Variants in GABRG3 observed in about 807,000 individuals in gnomAD.
GABRG3 encodes gamma-aminobutyric acid type A receptor subunit gamma3.
A neutral mutation model predicts 48.8 loss-of-function variants in GABRG3; 25 were observed. That is an observed-to-expected ratio of 0.51 (90% CI 0.37 to 0.72). The LOEUF (loss-of-function observed/expected upper bound fraction) is 0.72. Ranked by LOEUF, GABRG3 falls within the 30% of genes least tolerant of loss-of-function variation. The pLI, the probability that GABRG3 is intolerant of heterozygous loss-of-function variation, is 0.00. For missense variants in GABRG3, 394 were observed against 577.9 expected (o/e 0.68, Z 3.26); for synonymous variants, 227 against 217.6 (o/e 1.04, Z -0.38).
At chr15:27,306,995 T>TATATAAACATATACA (rs1359295580) in intron 3 of GABRG3, among the ~76,000 whole-genome samples, 1 of 111,058 alleles carries the variant, frequency 9.0e-6, no homozygotes. Context: ...AACATGTTTA[T>TATATAAACATATACA]ATATAAACAT....
intron 3 of GABRG3, among the ~76,000 whole-genome samples, chr15:27,126,054 A>T (rs148651372): frequency 6.6e-6 from 1 of 152,354 alleles, no homozygotes; most frequent in African/African-American, 2.4e-5. Flanking sequence ...GCGCAATTAA[A>T]TGTGTCTTCC....
intron 2 of GABRG3, among the ~76,000 whole-genome samples, chr15:27,025,024 C>CA (rs34897569): frequency 0.51 from 46,540 of 91,524 alleles, 11,530 homozygotes; most frequent in Middle Eastern, 0.54. Context: ...GACCCTGTCT[C>CA]AAAAAAAAAA....
intron 2 of GABRG3, among the ~76,000 whole-genome samples, chr15:27,001,001 C>G (rs181926653): frequency 6.6e-6 from 1 of 152,212 alleles, no homozygotes; most frequent in East Asian, 1.9e-4. Flanking sequence ...TGGATGGTTA[C>G]AAGTAGTCTT....
intron 3 of GABRG3, among the ~76,000 whole-genome samples, chr15:27,219,936 T>C (rs773719243): frequency 3.9e-5 from 6 of 152,142 alleles, no homozygotes; most frequent in Non-Finnish European, 7.3e-5. Flanking sequence ...AGGAGGGTGG[T>C]CATTTTACTA....
At chr15:27,418,141 T>C (rs1218375361) in intron 5 of GABRG3, among the ~76,000 whole-genome samples, 1 of 152,132 alleles carries the variant, frequency 6.6e-6, no homozygotes, top group Non-Finnish European at 1.5e-5. Context: ...CAGCCCTGCC[T>C]CAGATGAATA....
intron 5 of GABRG3, among the ~76,000 whole-genome samples, chr15:27,465,846 A>C (rs1286173979): frequency 6.6e-6 from 1 of 152,098 alleles, no homozygotes; most frequent in Admixed American, 6.6e-5. Context: ...ATTTACTGGC[A>C]CTCTGCATGA....
chr15:26,973,083 T>C (rs1292465853), intron 1 of GABRG3, among the ~76,000 whole-genome samples: 1 of 152,234 alleles, frequency 6.6e-6, no homozygotes, highest in Non-Finnish European at 1.5e-5. Flanking sequence ...CTCTGCCACC[T>C]TTCTATTGCC....
chr15:27,148,968 C>T (rs1898260230), intron 3 of GABRG3, among the ~76,000 whole-genome samples: 1 of 152,014 alleles, frequency 6.6e-6, no homozygotes, highest in Admixed American at 6.6e-5. Flanking sequence ...ACCATTTCTA[C>T]TCACAATTTT....
intron 3 of GABRG3, among the ~76,000 whole-genome samples, chr15:27,171,556 G>GTATATGTATATATATATA (rs1887572540): frequency 7.0e-6 from 1 of 142,070 alleles, no homozygotes; most frequent in African/African-American, 2.6e-5. Context: ...GTATATATAT[G>GTATATGTATATATATATA]TATATGTATA....
chr15:27,202,278 GTT>G (rs1222388231), intron 3 of GABRG3, among the ~76,000 whole-genome samples: 2 of 151,140 alleles, frequency 1.3e-5, no homozygotes, highest in African/African-American at 2.4e-5. Flanking sequence ...TTTTTTTTCT[GTT>G]TCACTTAACA....
rs563082776 is a variant in GABRG3 at position 27,319,482 on chromosome 15, G to A, written c.271-7327G>A. On this transcript the variant is annotated intron_variant, in intron 3 of 9. Transcript: ENST00000615808. This position sits in a 1 kb window ranked among gnomAD's most constrained non-coding sequence, Gnocchi z 4.4. ...GGGGCAGTCTCTATGCGGAATTTGC[G>A]GATAATTGTGATACGGCAGTTGAAG... 5.9e-5 allele frequency among the ~76,000 whole-genome samples: 9 copies of A among 152,162 alleles called. No homozygotes were observed. The highest frequency in any genetic ancestry group is 2.1e-4 in the South Asian group (1 of 4,828).
chr15:27,184,835 T>C (rs1316519531), intron 3 of GABRG3, among the ~76,000 whole-genome samples: 2 of 152,198 alleles, frequency 1.3e-5, no homozygotes, highest in Non-Finnish European at 2.9e-5. Context: ...ATATTCTATA[T>C]GGTCACCACC....
At position 27,146,734 on chromosome 15, in the gene GABRG3, A is replaced by G. The variant is rs1898216661; in HGVS notation, c.270+119913A>G. Among the ~76,000 whole-genome samples the G allele has an allele frequency of 1.4e-4, 21 of 152,192 alleles. No homozygotes were observed. The South Asian group carries it at 4.4e-3, about 32-fold the overall frequency. On this transcript the variant is annotated intron_variant, in intron 3 of 9. Coordinates refer to ENST00000615808, the MANE Select transcript of GABRG3 (RefSeq NM_033223.5). ...TTGGTTATGCGAGCTAGCTTATTGT[A>G]AATTAAGATGTTATTTGTAATTCCT...
In GABRG3 at chr15:27,041,473, G is replaced by A. The variant is rs532935259; in HGVS notation, c.270+14652G>A. 5.9e-5 allele frequency among the ~76,000 whole-genome samples: 9 copies of A among 152,090 alleles called. No individual in the cohort carries two copies. The South Asian group carries it at 1.9e-3, about 32-fold the overall frequency. On this transcript the variant is annotated intron_variant, in intron 3 of 9. Coordinates refer to ENST00000615808, the MANE Select transcript of GABRG3 (RefSeq NM_033223.5). ...TGGGATTACAGGTGTGAGCCACCAC[G>A]CCCAGCCAACCTAAACCTTTTTAAA...
In GABRG3 at chr15:27,469,892, A is replaced by G. The variant is rs145491082; in HGVS notation, c.575-10758A>G. Among the ~76,000 whole-genome samples the G allele has an allele frequency of 2.0e-3, 298 of 152,326 alleles. 1 individual carries two copies. Among genetic ancestry groups the G allele is most frequent in the African/African-American group, 6.5e-3 (271 of 41,574 alleles). Reference sequence around the variant, plus strand: ...GTATAATTCTTTGCCTTACAATGGAAAGAACATAATATCTGTTCCTGCTGC... The same window carrying G: ...GTATAATTCTTTGCCTTACAATGGAGAGAACATAATATCTGTTCCTGCTGC... On this transcript the variant is annotated intron_variant, in intron 5 of 9. Coordinates refer to ENST00000615808, the MANE Select transcript of GABRG3 (RefSeq NM_033223.5).
intron 3 of GABRG3, among the ~76,000 whole-genome samples, chr15:27,206,932 C>A (rs34825358): frequency 0.27 from 40,615 of 151,978 alleles, 6,114 homozygotes; most frequent in South Asian, 0.45. Flanking sequence ...TTACTTGGAG[C>A]CTATGGGTAT....
At position 27,264,267 on chromosome 15, in the gene GABRG3, A is replaced by T. The variant is rs181696192; in HGVS notation, c.271-62542A>T. Among the ~76,000 whole-genome samples, 926 of 151,648 alleles carry T rather than the reference A, an allele frequency of 6.1e-3. 7 individuals carry two copies. The highest frequency in any genetic ancestry group is 9.8e-3 in the Non-Finnish European group (665 of 67,772). ...TCCATCCTTTTCAAAAAATAAAAATAAAAAAAAATCAAACTCTAAAAATCC... is the reference window on the plus strand; with the variant it reads ...TCCATCCTTTTCAAAAAATAAAAATTAAAAAAAATCAAACTCTAAAAATCC... On this transcript the variant is annotated intron_variant, in intron 3 of 9. Coordinates refer to ENST00000615808, the MANE Select transcript of GABRG3 (RefSeq NM_033223.5).
At chr15:27,327,075 A>T in intron 4 of GABRG3, 46 bp downstream of exon 4, 2 of 1,505,100 alleles carry the variant, frequency 1.3e-6, no homozygotes, top group Non-Finnish European at 1.8e-6. Context: ...TTAAAATGGG[A>T]TCCTTAATTT....
intron 3 of GABRG3, among the ~76,000 whole-genome samples, chr15:27,218,521 A>T (rs1889340599): frequency 6.6e-6 from 1 of 152,098 alleles, no homozygotes; most frequent in South Asian, 2.1e-4. Context: ...CTCAGCAGTG[A>T]TGGAGGCTTA....
Sources: gnomAD v4.1 joint callset for allele counts (sites outside exome capture counted in the v4.1 genomes callset) on GRCh38, gnomAD v4.1.1 for gene constraint, Gnocchi (gnomAD v3.1) non-coding constraint, MANE v1.5 for transcripts, NCBI Gene and HGNC (gene_info 2026-07-23, HGNC 2026-07-21) for gene names.